Variants in MARK3 observed in about 807,000 individuals in gnomAD.
The protein encoded by MARK3 is MAP/microtubule affinity-regulating kinase 3.
A neutral mutation model predicts 90.1 loss-of-function variants in MARK3; 46 were observed. That is an observed-to-expected ratio of 0.51 (90% CI 0.40 to 0.65). The LOEUF is 0.65. MARK3 is among the 30% of genes least tolerant of loss of function. The pLI, the probability that MARK3 is intolerant of heterozygous loss-of-function variation, is 0.00. For missense variants in MARK3, 818 were observed against 947.2 expected (o/e 0.86, Z 1.79); for synonymous variants, 321 against 332.6 (o/e 0.97, Z 0.38).
intron 1 of MARK3, among the ~76,000 whole-genome samples, chr14:103,389,362 T>TG (rs1345605798): frequency 8.4e-6 from 1 of 118,854 alleles, no homozygotes; most frequent in African/African-American, 2.8e-5. Context: ...AGACTCCATC[T>TG]CAAAAAAAAA....
At chr14:103,468,314 CTTTTTTTTTTTTTT>C (rs759932678) in intron 12 of MARK3, 128 bp downstream of exon 12, 3 of 113,840 alleles carry the variant, frequency 2.6e-5, no homozygotes, top group South Asian at 1.9e-4. Context: ...TTTCTTTCTT[CTTTTTTTTTTTTTT>C]TTTTTTTTTT....
At chr14:103,498,230 C>T (rs1032886502) in intron 15 of MARK3, among the ~76,000 whole-genome samples, 8 of 151,838 alleles carry the variant, frequency 5.3e-5, no homozygotes, top group Admixed American at 2.0e-4. Context: ...AAAAGTGTGT[C>T]CATCTGAAGA....
intron 12 of MARK3, among the ~76,000 whole-genome samples, chr14:103,474,553 G>A (rs2093684669): frequency 6.7e-6 from 1 of 149,322 alleles, no homozygotes; most frequent in Non-Finnish European, 1.5e-5. Context: ...AAAGATCCAA[G>A]ATAAAACTTC....
intron 12 of MARK3, among the ~76,000 whole-genome samples, chr14:103,470,349 C>CA (rs2093600875): frequency 6.6e-6 from 1 of 151,824 alleles, no homozygotes; most frequent in African/African-American, 2.4e-5. Flanking sequence ...GCCTGTGTGT[C>CA]AGAGTCCTGA....
intron 2 of MARK3, among the ~76,000 whole-genome samples, chr14:103,425,218 G>A (rs532259429): frequency 7.3e-5 from 11 of 151,398 alleles, no homozygotes; most frequent in African/African-American, 2.4e-4. Context: ...GAGACTACAG[G>A]CGTGAGCCAC....
chr14:103,427,473 C>T (rs2092443515), intron 2 of MARK3, among the ~76,000 whole-genome samples: 1 of 122,350 alleles, frequency 8.2e-6, no homozygotes, highest in Non-Finnish European at 1.6e-5. Context: ...GCTCTCCAGC[C>T]TAGGCAACAG....
intron 5 of MARK3, among the ~76,000 whole-genome samples, chr14:103,453,017 C>T (rs2093190801): frequency 6.6e-6 from 1 of 152,258 alleles, no homozygotes; most frequent in South Asian, 2.1e-4. Context: ...ATTTTAATGT[C>T]GCTGGTGTCT....
Position 103,457,209 on chromosome 14 carries a change from A to G in MARK3, c.480A>G (p.Arg160=). ...AAAAAGAAGCAAGATCTAAATTTAG[A>G]CAGGTATGAATTAATGTGTCTTTAC... ...MKEKEARSKF[R]QIVSAVQYCH... is the part of the protein sequence containing the mutation. The change falls in exon 6 of 18, where the codon AGA becomes AGG. Residue 160 remains arginine, a synonymous_variant. Transcript: ENST00000429436. The G allele has an allele frequency of 6.2e-7, 1 of 1,601,550 alleles. No homozygotes were observed. The highest frequency in any genetic ancestry group is 8.6e-7 in the Non-Finnish European group (1 of 1,169,036).
intron 1 of MARK3, among the ~76,000 whole-genome samples, chr14:103,386,905 T>C (rs979268886): frequency 2.0e-5 from 3 of 152,212 alleles, no homozygotes; most frequent in Admixed American, 6.5e-5. Context: ...AGGAACAGCA[T>C]TGCTAGAGAA....
At chr14:103,394,151 A>C (rs1472556383) in intron 1 of MARK3, among the ~76,000 whole-genome samples, 1 of 152,264 alleles carries the variant, frequency 6.6e-6, no homozygotes, top group African/African-American at 2.4e-5. Context: ...TGGTTAAAAA[A>C]GAAAAAGGAG....
intron 12 of MARK3, 120 bp downstream of exon 12, chr14:103,468,306 TC>T: frequency 1.8e-6 from 1 of 550,406 alleles, no homozygotes; most frequent in Non-Finnish European, 2.8e-6. Context: ...TTGCTTTCTT[TC>T]TTTCTTCTTT....
chr14:103,474,898 A>G, intron 12 of MARK3, 95 bp from the exon 13 acceptor site: 1 of 929,308 alleles, frequency 1.1e-6, no homozygotes, highest in Admixed American at 2.6e-5. Flanking sequence ...TTAGGTGAAT[A>G]GCAACCTTAG....
intron 3 of MARK3, among the ~76,000 whole-genome samples, chr14:103,435,070 A>T (rs1215568724): frequency 4.6e-5 from 7 of 152,108 alleles, no homozygotes; most frequent in Admixed American, 1.3e-4. Context: ...TGTAGCAGGG[A>T]AACTTATAAT....
At chr14:103,474,866 G>A (rs543075907) in intron 12 of MARK3, 127 bp from the exon 13 acceptor site, 2 of 671,626 alleles carry the variant, frequency 3.0e-6, no homozygotes, top group South Asian at 3.9e-5. Flanking sequence ...ACATCTTAGA[G>A]GATTTTACTG....
At chr14:103,448,879 T>C in intron 3 of MARK3, 40 bp from the exon 4 acceptor site, 1 of 685,248 alleles carries the variant, frequency 1.5e-6, no homozygotes, top group Non-Finnish European at 2.2e-6. Context: ...TAATAACTTG[T>C]GTTGGGGGGA....
intron 12 of MARK3, chr14:103,469,054 A>T (rs1452293810): frequency 6.6e-6 from 1 of 152,164 alleles, no homozygotes; most frequent in Non-Finnish European, 1.5e-5. Context: ...TGAGATGATT[A>T]CAGTTTTGTG....
Position 103,502,988 on chromosome 14 carries a change from A to G in MARK3, c.2023A>G (p.Met675Val), listed in dbSNP as rs369296724. The change falls in exon 18 of 18, where the codon ATG (methionine) becomes GTG (valine). Residue 675 changes from methionine to valine, a missense_variant. This residue lies in a region of MARK3 where 560 missense variants were observed against 613.5 expected (regional missense o/e 0.91). Coordinates refer to ENST00000429436, the MANE Select transcript of MARK3 (RefSeq NM_001128918.3). ...KTTSSMDPGD[M>V]MREIRKVLDA... ...CACTAGTTCAATGGATCCCGGGGACATGATGCGGGAAATCCGCAAAGTGTT... is the reference window on the plus strand; with the variant it reads ...CACTAGTTCAATGGATCCCGGGGACGTGATGCGGGAAATCCGCAAAGTGTT... The G allele has an allele frequency of 2.5e-6, 4 of 1,614,272 alleles. No homozygotes were observed. Among genetic ancestry groups the G allele is most frequent in the South Asian group, 1.1e-5 (1 of 91,086 alleles).
intron 13 of MARK3, among the ~76,000 whole-genome samples, chr14:103,477,705 G>C (rs1354496524): frequency 6.6e-6 from 1 of 152,070 alleles, no homozygotes; most frequent in Non-Finnish European, 1.5e-5. Context: ...ATCTGTTTAG[G>C]CTGGGCACAG....
At chr14:103,472,077 G>C (rs1009841752) in intron 12 of MARK3, among the ~76,000 whole-genome samples, 1 of 151,776 alleles carries the variant, frequency 6.6e-6, no homozygotes, top group African/African-American at 2.4e-5. Context: ...CAGGCGTGGT[G>C]GTGGGCACCT....
Sources: allele counts gnomAD v4.1 joint callset (sites outside exome capture counted in the v4.1 genomes callset), GRCh38; gene constraint gnomAD v4.1.1; regional missense constraint gnomAD v4.1.1; transcripts MANE v1.5; gene names NCBI Gene and HGNC (gene_info 2026-07-23, HGNC 2026-07-21).